Variants in SEMA6A observed in about 807,000 individuals in gnomAD.
SEMA6A encodes semaphorin-6A.
SEMA6A carries 25 observed loss-of-function variants against 96.8 expected under a neutral mutation model. That is an observed-to-expected ratio of 0.26 (90% CI 0.19 to 0.36). SEMA6A has a LOEUF of 0.36. Among genes scored for constraint, SEMA6A ranks in the 10% least tolerant of loss-of-function variants. The pLI, the probability that SEMA6A is intolerant of heterozygous loss-of-function variation, is 1.00. For synonymous variants in SEMA6A, 612 were observed against 518.0 expected (o/e 1.18, Z -2.46); for missense variants, 1,363 against 1,323.1 (o/e 1.03, Z -0.47).
chr5:116,478,010 A>C lies in SEMA6A; in HGVS notation c.1568+4T>G. 6.2e-7 allele frequency: 1 copy of C among 1,613,950 alleles called. No homozygotes were observed. Among genetic ancestry groups the C allele is most frequent in the South Asian group, 1.1e-5 (1 of 91,076 alleles). On this transcript the variant is annotated splice_donor_region_variant and intron_variant, in intron 14 of 18. Transcript: ENST00000343348. ...TCTAATTGTCAATGAGGCAAAATAC[A>C]TACTTTTTACACTTCCCATGTCGTT...
intron 15 of SEMA6A, among the ~76,000 whole-genome samples, chr5:116,475,993 C>G (rs1157008755): frequency 6.6e-6 from 1 of 152,098 alleles, no homozygotes; most frequent in Admixed American, 6.5e-5. Flanking sequence ...TCTCTATTCT[C>G]TTTTTCACTC....
At chr5:116,540,546 C>A (rs114048270) in intron 1 of SEMA6A, among the ~76,000 whole-genome samples, 2,074 of 152,292 alleles carry the variant, frequency 0.014, 59 homozygotes, top group African/African-American at 0.048. Context: ...CATGAATCCC[C>A]CCATCATTCC....
intron 13 of SEMA6A, 188 bp from the exon 14 acceptor site, chr5:116,478,342 A>G (rs1756572821): frequency 1.3e-6 from 1 of 763,482 alleles, no homozygotes; most frequent in Admixed American, 2.9e-5. Flanking sequence ...ACACACACAC[A>G]TATATGTATC....
At chr5:116,472,953 G>A (rs1348546080) in intron 17 of SEMA6A, 120 bp downstream of exon 17, 1 of 1,521,884 alleles carries the variant, frequency 6.6e-7, no homozygotes, top group Admixed American at 2.2e-5. Context: ...AAAATGATGA[G>A]GATAAAAAAT....
chr5:116,502,538 T>C (rs1444393356), intron 2 of SEMA6A: 2 of 535,158 alleles, frequency 3.7e-6, no homozygotes, highest in Non-Finnish European at 6.6e-6. Flanking sequence ...CATTTCTAGA[T>C]AATTATAAGC....
chr5:116,515,039 C>T (rs1346129664), intron 1 of SEMA6A, among the ~76,000 whole-genome samples: 1 of 152,202 alleles, frequency 6.6e-6, no homozygotes, highest in Non-Finnish European at 1.5e-5. Flanking sequence ...CTGGCAAAGG[C>T]TTCTGGTTGG....
Position 116,447,490 on chromosome 5 carries a change from G to T in SEMA6A, c.2216C>A (p.Ala739Asp). The T allele has an allele frequency of 6.2e-7, 1 of 1,614,096 alleles. No homozygotes were observed. Among genetic ancestry groups the T allele is most frequent in the Non-Finnish European group, 8.5e-7 (1 of 1,179,906 alleles). ...NGKLATPGNT[A>D]KMLIKADQHH... ...CTGGTCTGCTTTAATGAGCATCTTGGCCGTGTTGCCGGGAGTGGCGAGCTT... is the reference window on the plus strand; with the variant it reads ...CTGGTCTGCTTTAATGAGCATCTTGTCCGTGTTGCCGGGAGTGGCGAGCTT... Residue 739 changes from alanine to aspartate, a missense_variant, in exon 19 of 19, where the codon GCC (alanine) becomes GAC (aspartate). By Grantham distance (126) the Ala-to-Asp change is moderately radical. Coordinates refer to ENST00000343348, the MANE Select transcript of SEMA6A (RefSeq NM_020796.5).
chr5:116,514,036 C>T (rs753069159), intron 1 of SEMA6A, among the ~76,000 whole-genome samples: 2 of 152,132 alleles, frequency 1.3e-5, no homozygotes, highest in Non-Finnish European at 2.9e-5. Context: ...CACTGATGGG[C>T]ATTTAGGTTG....
intron 1 of SEMA6A, among the ~76,000 whole-genome samples, chr5:116,513,784 C>G (rs2112797771): frequency 6.6e-6 from 1 of 152,184 alleles, no homozygotes; most frequent in South Asian, 2.1e-4. Flanking sequence ...TCCTTCCATG[C>G]CCTGCCCTCT....
intron 2 of SEMA6A, among the ~76,000 whole-genome samples, chr5:116,503,170 G>A (rs538065535): frequency 4.2e-4 from 64 of 152,212 alleles, no homozygotes; most frequent in South Asian, 2.1e-3. Flanking sequence ...AACTCAGGAG[G>A]AAAGAAAGAT....
intron 2 of SEMA6A, 72 bp from the exon 3 acceptor site, chr5:116,502,399 G>A (rs1757928043): frequency 2.3e-6 from 3 of 1,297,854 alleles, no homozygotes; most frequent in African/African-American, 1.5e-5. Context: ...AGGGAGGGGA[G>A]GGAGACAGGT....
At chr5:116,558,803 GTTAT>G (rs1354741578) in intron 1 of SEMA6A, among the ~76,000 whole-genome samples, 6 of 152,152 alleles carry the variant, frequency 3.9e-5, no homozygotes, top group Non-Finnish European at 5.9e-5. Flanking sequence ...CAATTTAAGC[GTTAT>G]TTGTTTTGTG....
At chr5:116,477,972 C>A in intron 14 of SEMA6A, 42 bp downstream of exon 14, 2 of 1,613,882 alleles carry the variant, frequency 1.2e-6, no homozygotes, top group Non-Finnish European at 1.7e-6. Context: ...TGTTTCCTAG[C>A]CACCATGGAC....
At chr5:116,502,349 C>A in intron 2 of SEMA6A, 22 bp from the exon 3 acceptor site, 1 of 1,604,378 alleles carries the variant, frequency 6.2e-7, no homozygotes, top group African/African-American at 1.3e-5. Context: ...GGAGATGGGG[C>A]AAGAAAGGAA....
In SEMA6A at chr5:116,446,538, G is replaced by A; in HGVS notation, c.*75C>T. The stretch of plus-strand genomic sequence containing the variant: ...CTTGGTCTGGTGGGTACTCGAGGCA[G>A]TTGAGAACCTTGCTGAGCTGAGCGG... On this transcript the variant is annotated 3_prime_UTR_variant, in exon 19 of 19. Transcript: ENST00000343348. 1.5e-6 allele frequency: 2 copies of A among 1,302,056 alleles called. No homozygotes were observed. The highest frequency in any genetic ancestry group is 1.7e-5 in the South Asian group (1 of 60,342). 80.7% of individuals were successfully genotyped at this position (1,302,056 alleles called of 1,614,324 possible).
rs768413160 is a variant in SEMA6A, at chr5:116,502,191, TG to T, written c.218+18del. The T allele has an allele frequency of 5.6e-6, 9 of 1,601,784 alleles. No homozygotes were observed. Among genetic ancestry groups the T allele is most frequent in the Non-Finnish European group, 7.7e-6 (9 of 1,168,830 alleles). ...CTTTTGGACACTCTCAAGGCAGACA[TG>T]GGGAAAAGGCCCCTTACCTAGCAGC... On this transcript the variant is annotated intron_variant, in intron 3 of 18. Coordinates refer to ENST00000343348, the MANE Select transcript of SEMA6A (RefSeq NM_020796.5).
intron 16 of SEMA6A, among the ~76,000 whole-genome samples, chr5:116,475,109 G>T (rs1269063563): frequency 6.6e-6 from 1 of 152,022 alleles, no homozygotes; most frequent in Non-Finnish European, 1.5e-5. Flanking sequence ...AAACATAATT[G>T]CTTTTGTTAG....
In SEMA6A at chr5:116,447,329, G is replaced by C. The variant is rs756499850; in HGVS notation, c.2377C>G (p.Pro793Ala). 8 of 1,613,732 alleles carry C rather than the reference G, an allele frequency of 5.0e-6. No individual in the cohort carries two copies. The highest frequency in any genetic ancestry group is 4.5e-5 in the East Asian group (2 of 44,888). ...LINACTKDMP[P>A]MGSPVIPTDL... ...GTGGGAATCACAGGGGAGCCCATGG[G>C]GGGCATGTCCTTTGTGCAGGCATTG... The change falls in exon 19 of 19, where the codon CCC (proline) becomes GCC (alanine). Residue 793 changes from proline (P) to alanine (A), a missense_variant. Pro to Ala is a conservative substitution (Grantham distance 27, BLOSUM62 -1). Around this residue, in one of 2 missense-constraint regions of SEMA6A, gnomAD observed 883 missense variants for 763.6 expected, o/e 1.16. Coordinates refer to ENST00000343348, the MANE Select transcript of SEMA6A (RefSeq NM_020796.5).
chr5:116,556,681 A>G (rs1402024708), intron 1 of SEMA6A, among the ~76,000 whole-genome samples: 1 of 152,192 alleles, frequency 6.6e-6, no homozygotes, highest in Non-Finnish European at 1.5e-5. Context: ...CTAGAAGAAA[A>G]GCTGACTTCC....
Sources: gnomAD v4.1 joint callset for allele counts (sites outside exome capture counted in the v4.1 genomes callset) on GRCh38, gnomAD v4.1.1 for gene constraint, gnomAD v4.1.1 regional missense constraint, MANE v1.5 for transcripts, NCBI Gene and HGNC (gene_info 2026-07-23, HGNC 2026-07-21) for gene names.